DTWD2: variants seen among roughly 807,000 people sequenced by gnomAD.
The protein encoded by DTWD2 is tRNA-uridine aminocarboxypropyltransferase 2.
A neutral mutation model predicts 31.8 loss-of-function variants in DTWD2; 39 were observed. The observed-to-expected ratio is 1.22, with a 90% confidence interval of 0.95 to 1.60. The LOEUF is 1.60. Among genes scored for constraint, DTWD2 ranks in the 40% most tolerant of loss-of-function variants. DTWD2 has a pLI of 0.00. For missense variants in DTWD2, 515 were observed against 381.5 expected (o/e 1.35, Z -2.92); for synonymous variants, 180 against 142.8 (o/e 1.26, Z -1.86).
rs186091423 is a variant in DTWD2 at position 118,885,690 on chromosome 5, C to A, written c.598-37472G>T. Among the ~76,000 whole-genome samples the A allele has an allele frequency of 3.7e-3, 556 of 150,066 alleles. 8 individuals carry two copies. The highest frequency in any genetic ancestry group is 0.029 in the East Asian group (148 of 5,110). On this transcript the variant is annotated intron_variant, in intron 4 of 5. Coordinates refer to ENST00000510708, the MANE Select transcript of DTWD2 (RefSeq NM_173666.4). The stretch of plus-strand genomic sequence containing the variant: ...TGTGGGCAGGAGAGTTTCTTGAACT[C>A]GGGAGGCAGAGGTTATAGTGAGCCA...
chr5:118,892,783 TA>T (rs963978425), intron 4 of DTWD2, among the ~76,000 whole-genome samples: 3 of 150,564 alleles, frequency 2.0e-5, no homozygotes, highest in Non-Finnish European at 4.4e-5. Flanking sequence ...TTCTAGGAGG[TA>T]AAAAAAAACC....
Position 118,928,673 on chromosome 5 carries a change from C to G in DTWD2, c.461G>C (p.Gly154Ala), listed in dbSNP as rs370707862. ...TTCTTCCAAATTAGCAGCTTCAGCC[C>G]CTGGATATAATATTAATGTACCAGA... ...RKSGTLILYPGAEAANLEEFI... is the reference protein window; with the variant it reads ...RKSGTLILYPAAEAANLEEFI... The change falls in exon 4 of 6, where the codon GGG (glycine) becomes GCG (alanine). Residue 154 changes from glycine (G) to alanine (A), a missense_variant. By Grantham distance (60) the Gly-to-Ala change is moderately conservative (BLOSUM62 0). Transcript: ENST00000510708. 11 of 1,593,000 alleles carry G rather than the reference C, an allele frequency of 6.9e-6. No homozygotes were observed. The African/African-American group carries it at 1.2e-4, about 18-fold the overall frequency.
At chr5:118,965,026 G>A (rs986547467) in intron 1 of DTWD2, among the ~76,000 whole-genome samples, 7 of 151,548 alleles carry the variant, frequency 4.6e-5, no homozygotes, top group African/African-American at 1.7e-4. Context: ...CATCGTCTGA[G>A]ATGTGGGGAG....
chr5:118,902,574 G>C (rs971281776), intron 4 of DTWD2, among the ~76,000 whole-genome samples: 1 of 151,866 alleles, frequency 6.6e-6, no homozygotes, highest in African/African-American at 2.4e-5. Context: ...TTTATACTTA[G>C]AAAATATATA....
chr5:118,840,125 C>T lies in DTWD2; in HGVS notation c.*792G>A, dbSNP rs1211273644. 2.0e-5 allele frequency: 3 copies of T among 152,046 alleles called. No homozygotes were observed. Among genetic ancestry groups the T allele is most frequent in the Non-Finnish European group, 4.4e-5 (3 of 67,978 alleles). 9.4% of individuals were successfully genotyped at this position (152,046 alleles called of 1,614,324 possible). On this transcript the variant is annotated 3_prime_UTR_variant, in exon 6 of 6. Coordinates refer to ENST00000510708, the MANE Select transcript of DTWD2 (RefSeq NM_173666.4). ...TTCTCTCAAATGGAAAGTTTTTGCT[C>T]GTTAAAAAGGTTATATTAAATAGCC...
intron 4 of DTWD2, among the ~76,000 whole-genome samples, chr5:118,900,511 A>G (rs867883176): frequency 2.6e-4 from 39 of 152,302 alleles, no homozygotes; most frequent in Admixed American, 3.9e-4. Flanking sequence ...CATTTTATAG[A>G]AAAAAATGTA....
intron 4 of DTWD2, among the ~76,000 whole-genome samples, chr5:118,893,242 G>A (rs899667344): frequency 2.6e-5 from 4 of 151,330 alleles, no homozygotes; most frequent in Admixed American, 6.6e-5. Flanking sequence ...TGCTCCTGTG[G>A]TCCAACTACT....
chr5:118,885,666 G>A (rs1407091396), intron 4 of DTWD2, among the ~76,000 whole-genome samples: 1 of 151,444 alleles, frequency 6.6e-6, no homozygotes, highest in Non-Finnish European at 1.5e-5. Flanking sequence ...TCGGGAGGCT[G>A]TGGGCAGGAG....
At chr5:118,929,160 A>G (rs1376755797) in intron 3 of DTWD2, among the ~76,000 whole-genome samples, 1 of 152,254 alleles carries the variant, frequency 6.6e-6, no homozygotes, top group Non-Finnish European at 1.5e-5. Context: ...GAAGAACCAT[A>G]AAGAGAAGTT....
chr5:118,842,634 G>C (rs1580759480), intron 5 of DTWD2, among the ~76,000 whole-genome samples: 1 of 152,016 alleles, frequency 6.6e-6, no homozygotes, highest in Non-Finnish European at 1.5e-5. Context: ...CTTACATGCA[G>C]GCAAATATAA....
At chr5:118,941,722 T>C (rs1461219778) in intron 2 of DTWD2, among the ~76,000 whole-genome samples, 2 of 152,212 alleles carry the variant, frequency 1.3e-5, no homozygotes, top group Admixed American at 1.3e-4. Context: ...TCAAATGGTA[T>C]TTCTAGTTCT....
chr5:118,977,395 T>C (rs1289283760), intron 1 of DTWD2, among the ~76,000 whole-genome samples: 1 of 152,206 alleles, frequency 6.6e-6, no homozygotes, highest in Non-Finnish European at 1.5e-5. Flanking sequence ...GGAAGTCAAA[T>C]TGTATCTGTT....
intron 1 of DTWD2, among the ~76,000 whole-genome samples, chr5:118,953,442 C>T (rs138059435): frequency 3.7e-4 from 57 of 152,310 alleles, no homozygotes; most frequent in Admixed American, 9.1e-4. Context: ...ACCCTTCCCC[C>T]TGCATGAAAA....
intron 1 of DTWD2, among the ~76,000 whole-genome samples, chr5:118,946,702 G>A (rs1266861800): frequency 6.6e-6 from 1 of 151,684 alleles, no homozygotes; most frequent in Non-Finnish European, 1.5e-5. Context: ...TTTGACTGAA[G>A]AAAAGCTGTA....
intron 1 of DTWD2, among the ~76,000 whole-genome samples, chr5:118,977,551 G>A (rs1755193021): frequency 1.3e-5 from 2 of 152,038 alleles, no homozygotes; most frequent in Non-Finnish European, 1.5e-5. Context: ...CAACAGGCAA[G>A]CAGACAGCCA....
intron 3 of DTWD2, among the ~76,000 whole-genome samples, chr5:118,936,451 G>A (rs889118685): frequency 5.3e-5 from 8 of 151,550 alleles, no homozygotes; most frequent in African/African-American, 1.9e-4. Flanking sequence ...CTTCAAGCCT[G>A]GAAAACAAGA....
chr5:118,941,259 G>A (rs1754192397), intron 2 of DTWD2, among the ~76,000 whole-genome samples: 2 of 152,106 alleles, frequency 1.3e-5, no homozygotes, highest in South Asian at 4.2e-4. Context: ...CATGTGCCAT[G>A]TTGGTGTGCT....
Position 118,845,929 on chromosome 5 carries a change from T to A in DTWD2, c.726+2161A>T, listed in dbSNP as rs1199797897. On this transcript the variant is annotated intron_variant, in intron 5 of 5. Coordinates refer to ENST00000510708, the MANE Select transcript of DTWD2 (RefSeq NM_173666.4). The stretch of plus-strand genomic sequence containing the variant: ...CAAGTCAGCCTGTGGCTTTATGTCA[T>A]CAATAAATGCCTCGGGTTATATAAA... 3.3e-5 allele frequency among the ~76,000 whole-genome samples: 5 copies of A among 152,246 alleles called. No individual in the cohort carries two copies. The East Asian group carries it at 7.7e-4, about 23-fold the overall frequency.
chr5:118,921,695 T>A (rs1170135606), intron 4 of DTWD2, among the ~76,000 whole-genome samples: 2 of 152,172 alleles, frequency 1.3e-5, no homozygotes, highest in African/African-American at 4.8e-5. Flanking sequence ...AAAGCATATT[T>A]CCTGGAAAAT....
Sources: allele counts gnomAD v4.1 joint callset (sites outside exome capture counted in the v4.1 genomes callset), GRCh38; gene constraint gnomAD v4.1.1; transcripts MANE v1.5; gene names NCBI Gene and HGNC (gene_info 2026-07-23, HGNC 2026-07-21).